SMARCA2: variants seen among roughly 807,000 people sequenced by gnomAD.
SMARCA2 encodes the protein SWI/SNF related BAF chromatin remodeling complex subunit ATPase 2.
In SMARCA2, 61 loss-of-function variants were observed where a neutral mutation model predicts 199.8. The observed-to-expected ratio is 0.31, with a 90% CI of 0.25 to 0.38. SMARCA2 has a LOEUF of 0.38. Ranked by LOEUF, SMARCA2 falls within the 10% of genes least tolerant of loss-of-function variation. The probability of loss-of-function intolerance (pLI) is 1.00; values close to 1 mark genes in which losing one functional copy is unlikely to be tolerated. For synonymous variants in SMARCA2, 935 were observed against 732.0 expected (o/e 1.28, Z -4.48); for missense variants, 1,344 against 2,012.2 (o/e 0.67, Z 6.35).
chr9:2,073,009 T>C, intron 10 of SMARCA2: 1 of 563,830 alleles, frequency 1.8e-6, no homozygotes, highest in Non-Finnish European at 3.1e-6. Context: ...GCCTGTATCT[T>C]AGCTACCAGG....
chr9:2,030,621 A>T (rs570390305), intron 2 of SMARCA2, among the ~76,000 whole-genome samples: 62 of 145,736 alleles, frequency 4.3e-4, no homozygotes, highest in Non-Finnish European at 5.7e-4. Flanking sequence ...AGGCAATCTG[A>T]TTTATTCAGT....
chr9:2,181,839 C>T (rs1827047161), intron 30 of SMARCA2, among the ~76,000 whole-genome samples, 163 bp downstream of exon 30: 1 of 152,208 alleles, frequency 6.6e-6, no homozygotes, highest in African/African-American at 2.4e-5. Context: ...GTTACTTAAT[C>T]ATGTTGAGAG....
chr9:2,073,387 G>A (rs1298636967), intron 11 of SMARCA2, 45 bp downstream of exon 11: 1 of 1,610,380 alleles, frequency 6.2e-7, no homozygotes. Context: ...TAGCTTTTTA[G>A]ATTTTGGTAA....
Position 2,017,847 on chromosome 9 carries a change from A to C in SMARCA2, c.-37+2443A>C, listed in dbSNP as rs1203801813. ...CCGCCGGCTGTGTGCGGAGCTTTCC[A>C]GTTCTTTCCCTGCCAGCCCCCTCCG... is the stretch of plus-strand genomic sequence containing the variant. On this transcript the variant is annotated intron_variant, in intron 1 of 33. Transcript: ENST00000349721. The surrounding 1 kb of genome is among the most constrained non-coding windows in gnomAD (Gnocchi z 8.8). 6.6e-6 allele frequency: 1 copy of C among 152,196 alleles called. No homozygotes were observed. Among genetic ancestry groups the C allele is most frequent in the Non-Finnish European group, 1.5e-5 (1 of 68,060 alleles). 9.4% of individuals were successfully genotyped at this position (152,196 alleles called of 1,614,324 possible).
In SMARCA2 at chr9:2,047,481, A is replaced by G; in HGVS notation, c.1043A>G (p.Tyr348Cys). ...GTGGAAATTCTGCAAGAGCGGGAAT[A>G]CAGGTAACGCACCCCGCCAGCAAGG... is the stretch of plus-strand genomic sequence containing the variant. ...DPVEILQERE[Y>C]RLQARIAHRI... The change falls in exon 5 of 34, where the codon TAC becomes TGC. Residue 348 changes from tyrosine to cysteine, a missense_variant. Around this residue, in one of 18 missense-constraint regions of SMARCA2, gnomAD observed 155 missense variants for 260.0 expected, o/e 0.60. Transcript: ENST00000349721. 1.3e-6 allele frequency: 2 copies of G among 1,509,552 alleles called. No individual in the cohort carries two copies. Among genetic ancestry groups the G allele is most frequent in the South Asian group, 1.3e-5 (1 of 77,296 alleles). 93.5% of individuals were successfully genotyped at this position (1,509,552 alleles called of 1,614,324 possible).
chr9:2,119,597 C>A lies in SMARCA2; in HGVS notation c.3762+62C>A. 2 of 1,164,672 alleles carry A rather than the reference C, an allele frequency of 1.7e-6. No individual in the cohort carries two copies. The highest frequency in any genetic ancestry group is 2.6e-6 in the Non-Finnish European group (2 of 778,170). 72.1% of individuals were successfully genotyped at this position (1,164,672 alleles called of 1,614,324 possible). Reference sequence around the variant, plus strand: ...TACCTCTGCCCCTTTTTCTGTTAAGCAGAATGTCTGCAGCCTGCGTGCCTG... The same window carrying A: ...TACCTCTGCCCCTTTTTCTGTTAAGAAGAATGTCTGCAGCCTGCGTGCCTG... On this transcript the variant is annotated intron_variant, in intron 26 of 33. Transcript: ENST00000349721. The surrounding 1 kb of genome is among the most constrained non-coding windows in gnomAD (Gnocchi z 4.6).
chr9:2,143,966 A>C (rs1479702475), intron 27 of SMARCA2, among the ~76,000 whole-genome samples: 1 of 152,194 alleles, frequency 6.6e-6, no homozygotes, highest in Non-Finnish European at 1.5e-5. Flanking sequence ...AAGACATACA[A>C]AATGTTAACA....
At chr9:2,141,359 C>A (rs1222032825) in intron 27 of SMARCA2, among the ~76,000 whole-genome samples, 1 of 152,148 alleles carries the variant, frequency 6.6e-6, no homozygotes. Context: ...TTGGATTTCG[C>A]ATTTAGTTAA....
At chr9:2,071,486 C>G (rs756072779) in intron 10 of SMARCA2, among the ~76,000 whole-genome samples, 104 of 152,228 alleles carry the variant, frequency 6.8e-4, no homozygotes, top group Non-Finnish European at 2.9e-4. Flanking sequence ...AATTAACAAG[C>G]ACACAGGGAG....
intron 33 of SMARCA2, chr9:2,192,168 T>G (rs890278688): frequency 5.6e-6 from 1 of 177,718 alleles, no homozygotes; most frequent in Non-Finnish European, 1.2e-5. Flanking sequence ...GAAATACCCT[T>G]CATTTCATCC....
chr9:2,020,520 C>G (rs1401858126), intron 1 of SMARCA2, among the ~76,000 whole-genome samples: 1 of 152,110 alleles, frequency 6.6e-6, no homozygotes, highest in Non-Finnish European at 1.5e-5. Context: ...CTATAGGAGT[C>G]TAAAACTATG....
intron 15 of SMARCA2, 65 bp downstream of exon 15, chr9:2,082,060 T>A: frequency 2.2e-6 from 3 of 1,354,006 alleles, no homozygotes; most frequent in Non-Finnish European, 3.1e-6. Context: ...ATTAGTAGCT[T>A]GTCCTTGTTT....
intron 29 of SMARCA2, among the ~76,000 whole-genome samples, chr9:2,177,178 C>G (rs1308239516): frequency 1.3e-5 from 2 of 152,160 alleles, no homozygotes; most frequent in Non-Finnish European, 2.9e-5. Context: ...AGAAGCAGCA[C>G]ACTTCACCTA....
chr9:2,053,970 A>AT (rs1340074258), intron 5 of SMARCA2, among the ~76,000 whole-genome samples: 4 of 152,262 alleles, frequency 2.6e-5, no homozygotes, highest in Admixed American at 6.5e-5. Context: ...GCTGGCCCTG[A>AT]TTTTTTTAAA....
chr9:2,177,629 C>T (rs1341908298), intron 29 of SMARCA2, among the ~76,000 whole-genome samples: 2 of 152,008 alleles, frequency 1.3e-5, no homozygotes, highest in East Asian at 1.9e-4. Context: ...CTCAGCTCAC[C>T]ACAACCTCCG....
rs1006248606 is a variant in SMARCA2, at chr9:2,016,677, G to T, written c.-37+1273G>T. ...AAGGGCTGCGGTGGGGAGGGAATAG[G>T]GGGGTGGCGAGGGCGGGAGGCGGGG... On this transcript the variant is annotated intron_variant, in intron 1 of 33. Transcript: ENST00000349721. The surrounding 1 kb of genome is among the most constrained non-coding windows in gnomAD (Gnocchi z 5.6). Among the ~76,000 whole-genome samples the T allele has an allele frequency of 1.3e-5, 2 of 151,864 alleles. No homozygotes were observed. Among genetic ancestry groups the T allele is most frequent in the Admixed American group, 6.5e-5 (1 of 15,282 alleles).
rs1554642562 is a variant in SMARCA2, at chr9:2,176,182, G to GTTTTTTTTTTTTTTGTTTT, written c.4254-5375_4254-5374insGTTTTTTTTTTTTTTTTTT. On this transcript the variant is annotated intron_variant, in intron 29 of 33. Transcript: ENST00000349721. The stretch of plus-strand genomic sequence containing the variant: ...AGGCATGAGCCACCGCGCCCGGCCT[G>GTTTTTTTTTTTTTTGTTTT]TTTTTTTTTTTTTTTTTTTTTATAA... 8.4e-4 allele frequency among the ~76,000 whole-genome samples: 87 copies of GTTTTTTTTTTTTTTGTTTT among 104,122 alleles called. 2 individuals are homozygous for GTTTTTTTTTTTTTTGTTTT. Among genetic ancestry groups the GTTTTTTTTTTTTTTGTTTT allele is most frequent in the African/African-American group, 3.1e-3 (82 of 26,850 alleles). 68.3% of individuals were successfully genotyped at this position (104,122 alleles called of 152,430 possible). A position where few individuals can be genotyped will look rare whatever the true frequency, so the allele number is the denominator to read the frequency against.
At chr9:2,124,194 G>C (rs1823588327) in intron 27 of SMARCA2, among the ~76,000 whole-genome samples, 2 of 152,194 alleles carry the variant, frequency 1.3e-5, no homozygotes, top group South Asian at 4.1e-4. Context: ...GAGCAGAATT[G>C]GCCATTGGAA....
intron 5 of SMARCA2, among the ~76,000 whole-genome samples, chr9:2,051,948 A>C (rs1020326958): frequency 6.6e-6 from 1 of 152,242 alleles, no homozygotes; most frequent in Non-Finnish European, 1.5e-5. Context: ...ATGTTGTAGA[A>C]AATGAGTAAA....
Sources: gnomAD v4.1 joint callset for allele counts (sites outside exome capture counted in the v4.1 genomes callset) on GRCh38, gnomAD v4.1.1 for gene constraint, gnomAD v4.1.1 regional missense constraint, Gnocchi (gnomAD v3.1) non-coding constraint, MANE v1.5 for transcripts, NCBI Gene and HGNC (gene_info 2026-07-23, HGNC 2026-07-21) for gene names.